SPAG16: variants seen among roughly 807,000 people sequenced by gnomAD.
SPAG16 encodes sperm associated antigen 16.
SPAG16 carries 86 observed loss-of-function variants against 80.4 expected under a neutral mutation model. The observed-to-expected ratio is 1.07, with a 90% CI of 0.90 to 1.28. The LOEUF is 1.28. Among genes scored for constraint, SPAG16 ranks in the 50% most tolerant of loss-of-function variants. The probability of loss-of-function intolerance (pLI) is 0.00; values close to 1 mark genes in which losing one functional copy is unlikely to be tolerated. For synonymous variants in SPAG16, 294 were observed against 265.9 expected (o/e 1.11, Z -1.03); for missense variants, 870 against 765.3 (o/e 1.14, Z -1.61).
At chr2:213,761,746 G>A (rs1166046069) in intron 10 of SPAG16, among the ~76,000 whole-genome samples, 2 of 151,846 alleles carry the variant, frequency 1.3e-5, no homozygotes, top group Non-Finnish European at 2.9e-5. Context: ...GGCGCCTGTA[G>A]TCCCAGTTAC....
intron 14 of SPAG16, among the ~76,000 whole-genome samples, chr2:214,124,902 G>T (rs530145371): frequency 1.3e-5 from 2 of 151,810 alleles, no homozygotes; most frequent in Admixed American, 1.3e-4. Flanking sequence ...TCATCACCTT[G>T]CTCTGCCATT....
At position 214,014,189 on chromosome 2, in the gene SPAG16, C is replaced by A. The variant is rs546579154; in HGVS notation, c.1527+112C>A. The A allele has an allele frequency of 1.3e-4, 177 of 1,329,914 alleles. No homozygotes were observed. In the African/African-American group the frequency reaches 2.2e-3, roughly 16 times the overall value. The allele number at this position is 1,329,914 out of a possible 1,614,324, so 82.4% of individuals were successfully genotyped here. ...AGTGATTGTGCAAGGGCATTCAGGG[C>A]AAAAGAACAGTAAAAAGTTCATAAT... On this transcript the variant is annotated intron_variant, in intron 13 of 15. Transcript: ENST00000331683.
intron 13 of SPAG16, among the ~76,000 whole-genome samples, chr2:214,073,543 T>G (rs983706280): frequency 1.3e-5 from 2 of 152,160 alleles, no homozygotes; most frequent in Admixed American, 1.3e-4. Flanking sequence ...CCGGATATTT[T>G]AAAAGACCTA....
chr2:213,968,783 A>G lies in SPAG16; in HGVS notation c.1400+38638A>G, dbSNP rs541990829. On this transcript the variant is annotated intron_variant, in intron 12 of 15. Transcript: ENST00000331683. ...GTTTGTAAAATGTGAATCATAATAT[A>G]TATCACCTTGATAAAAACATGAAGT... Among the ~76,000 whole-genome samples, 8 of 152,326 alleles carry G rather than the reference A, an allele frequency of 5.3e-5. No homozygotes were observed. The East Asian group carries it at 1.4e-3, about 26-fold the overall frequency.
At chr2:213,630,017 A>T (rs1269028929) in intron 10 of SPAG16, among the ~76,000 whole-genome samples, 4 of 152,166 alleles carry the variant, frequency 2.6e-5, no homozygotes, top group African/African-American at 4.8e-5. Flanking sequence ...TCATTGTCTC[A>T]TTTGACTTCT....
intron 10 of SPAG16, among the ~76,000 whole-genome samples, chr2:213,777,468 G>A (rs1000923953): frequency 5.1e-4 from 77 of 151,494 alleles, no homozygotes; most frequent in Non-Finnish European, 1.0e-3. Context: ...GTGCAGTGGC[G>A]CGATCTCCCC....
chr2:214,264,156 T>A (rs1040617172), intron 15 of SPAG16, among the ~76,000 whole-genome samples: 1 of 152,192 alleles, frequency 6.6e-6, no homozygotes, highest in Admixed American at 6.5e-5. Context: ...CCCACCCATA[T>A]GCCCTAAATC....
intron 5 of SPAG16, among the ~76,000 whole-genome samples, chr2:213,320,670 T>C (rs2063576603): frequency 6.6e-6 from 1 of 152,058 alleles, no homozygotes; most frequent in South Asian, 2.1e-4. Flanking sequence ...AATATTTGTC[T>C]TTCTGTACCT....
At chr2:213,347,070 A>G (rs1280109490) in intron 6 of SPAG16, among the ~76,000 whole-genome samples, 1 of 152,126 alleles carries the variant, frequency 6.6e-6, no homozygotes, top group Non-Finnish European at 1.5e-5. Context: ...AGAGCCTGCA[A>G]TTGGTCTATT....
At chr2:213,933,391 A>G (rs1411876961) in intron 12 of SPAG16, among the ~76,000 whole-genome samples, 2 of 152,212 alleles carry the variant, frequency 1.3e-5, no homozygotes, top group Non-Finnish European at 2.9e-5. Context: ...GGGAATATGC[A>G]ATGCATCTAC....
chr2:213,849,518 C>CA (rs1373048447), intron 10 of SPAG16, among the ~76,000 whole-genome samples: 3 of 151,914 alleles, frequency 2.0e-5, no homozygotes, highest in East Asian at 1.9e-4. Flanking sequence ...AAAATAGATA[C>CA]AAAAAAGTCA....
chr2:213,754,501 A>T (rs895962171), intron 10 of SPAG16, among the ~76,000 whole-genome samples: 11 of 152,224 alleles, frequency 7.2e-5, no homozygotes. Flanking sequence ...ACAAGTACTT[A>T]AAGATTATGT....
At chr2:214,135,723 G>GTCTCTCTCTCTC (rs372301135) in intron 14 of SPAG16, among the ~76,000 whole-genome samples, 152 of 145,758 alleles carry the variant, frequency 1.0e-3, no homozygotes, top group African/African-American at 2.3e-3. Flanking sequence ...CTGTCTCTCT[G>GTCTCTCTCTCTC]TCTCTCTCTC....
intron 9 of SPAG16, among the ~76,000 whole-genome samples, chr2:213,457,597 C>T (rs563792052): frequency 1.1e-4 from 16 of 151,872 alleles, no homozygotes; most frequent in African/African-American, 3.6e-4. Context: ...TTTTTTAAAA[C>T]CCTTGTATTA....
chr2:213,518,132 C>T (rs1377142673), intron 10 of SPAG16, among the ~76,000 whole-genome samples: 1 of 152,110 alleles, frequency 6.6e-6, no homozygotes, highest in Non-Finnish European at 1.5e-5. Flanking sequence ...GATAAATGGG[C>T]AAAGGACCTG....
chr2:213,470,461 C>T (rs12694304), intron 9 of SPAG16, among the ~76,000 whole-genome samples: 67,766 of 151,988 alleles, frequency 0.45, 16,167 homozygotes, highest in African/African-American at 0.6. Context: ...GTGTATTCCA[C>T]TGGGCACAAA....
At chr2:214,076,543 CTGTGTG>C (rs59810311) in intron 13 of SPAG16, among the ~76,000 whole-genome samples, 25 of 124,498 alleles carry the variant, frequency 2.0e-4, no homozygotes, top group Non-Finnish European at 3.2e-4. Flanking sequence ...GTGTGTGTGT[CTGTGTG>C]TGTGTGTGTG....
At chr2:214,208,310 T>C (rs2058201261) in intron 15 of SPAG16, among the ~76,000 whole-genome samples, 1 of 152,006 alleles carries the variant, frequency 6.6e-6, no homozygotes, top group Non-Finnish European at 1.5e-5. Context: ...TAGAGAGAAA[T>C]GGAATTTTAA....
chr2:213,292,079 C>G (rs1431980322), intron 1 of SPAG16, among the ~76,000 whole-genome samples: 1 of 152,152 alleles, frequency 6.6e-6, no homozygotes, highest in African/African-American at 2.4e-5. Context: ...GAGGACAAAT[C>G]ACTTTTTTTC....
Sources: allele counts gnomAD v4.1 joint callset (sites outside exome capture counted in the v4.1 genomes callset), GRCh38; gene constraint gnomAD v4.1.1; transcripts MANE v1.5; gene names NCBI Gene and HGNC (gene_info 2026-07-23, HGNC 2026-07-21).